SORD: variants seen among roughly 807,000 people sequenced by gnomAD.
SORD encodes sorbitol dehydrogenase.
SORD carries 18 observed loss-of-function variants against 35.6 expected under a neutral mutation model. The ratio of observed to expected loss-of-function variants is 0.51; its 90% CI spans 0.35 to 0.75. The LOEUF (loss-of-function observed/expected upper bound fraction) is 0.75. Ranked by LOEUF, SORD falls within the 30% of genes least tolerant of loss-of-function variation. The pLI is 0.01. For missense variants in SORD, 250 were observed against 390.2 expected, an observed-to-expected ratio of 0.64 and a Z score of 3.03; for synonymous variants, 106 against 152.9, an observed-to-expected ratio of 0.69 and a Z score of 2.26.
At chr15:45,030,259 T>C (rs1483732704) in intron 1 of SORD, among the ~76,000 whole-genome samples, 4 of 152,210 alleles carry the variant, frequency 2.6e-5, no homozygotes, top group Non-Finnish European at 4.4e-5. Context: ...ACAAATAGGA[T>C]TTTACCATTC....
chr15:45,027,978 C>T (rs72722061), intron 1 of SORD, among the ~76,000 whole-genome samples: 8,694 of 150,512 alleles, frequency 0.058, no homozygotes, highest in African/African-American at 0.14. Context: ...TTTTTCCAGT[C>T]GGCCATGGAC....
chr15:45,052,892 A>C (rs1893149802), intron 3 of SORD, among the ~76,000 whole-genome samples: 1 of 152,190 alleles, frequency 6.6e-6, no homozygotes, highest in Non-Finnish European at 1.5e-5. Flanking sequence ...GAATTATCCA[A>C]TGAGGAGAGG....
At chr15:45,026,427 A>G (rs1407717398) in intron 1 of SORD, among the ~76,000 whole-genome samples, 1 of 152,218 alleles carries the variant, frequency 6.6e-6, no homozygotes, top group Admixed American at 6.5e-5. Flanking sequence ...CAAAAAAGAT[A>G]AGAGGAAGTG....
At chr15:45,040,579 G>C in intron 2 of SORD, 138 bp downstream of exon 2, 1 of 700,034 alleles carries the variant, frequency 1.4e-6, no homozygotes. Context: ...GCTTTTGTTA[G>C]GCTGAGAACA....
chr15:45,061,759 C>CT (rs1325463326), intron 4 of SORD, among the ~76,000 whole-genome samples: 4 of 152,124 alleles, frequency 2.6e-5, no homozygotes, highest in Middle Eastern at 3.4e-3. Context: ...GTCCCAGCTA[C>CT]TTGGGAGGCT....
chr15:45,052,043 T>C (rs1201314563), intron 3 of SORD, among the ~76,000 whole-genome samples: 3 of 152,234 alleles, frequency 2.0e-5, no homozygotes, highest in Non-Finnish European at 2.9e-5. Flanking sequence ...CTAGGCAAAA[T>C]TTACATTTCC....
At chr15:45,042,932 C>T (rs559166803) in intron 2 of SORD, among the ~76,000 whole-genome samples, 3 of 151,796 alleles carry the variant, frequency 2.0e-5, no homozygotes, top group African/African-American at 4.9e-5. Context: ...TTGGATGAGG[C>T]TCACCCACAT....
At position 45,050,114 on chromosome 15, in the gene SORD, GC is replaced by G. The variant is rs1356301622; in HGVS notation, c.265+6694del. ...TTCTTTTTTTTTGAGACGGAGTCTC[GC>G]ACTCTCGCCCAGGCTGGAGTGCAGT... On this transcript the variant is annotated intron_variant, in intron 3 of 8. Coordinates refer to ENST00000267814, the MANE Select transcript of SORD (RefSeq NM_003104.6). Among the ~76,000 whole-genome samples the G allele has an allele frequency of 4.6e-5, 7 of 152,162 alleles. No homozygotes were observed. The East Asian group carries it at 1.4e-3, about 29-fold the overall frequency.
At chr15:45,070,132 G>T (rs985388651) in intron 7 of SORD, 9 of 152,174 alleles carry the variant, frequency 5.9e-5, no homozygotes, top group Non-Finnish European at 1.3e-4. Flanking sequence ...TTTGTTTGAG[G>T]CAAGCCAAGT....
At chr15:45,048,648 G>A (rs12907698) in intron 3 of SORD, among the ~76,000 whole-genome samples, 9,349 of 152,238 alleles carry the variant, frequency 0.061, 423 homozygotes, top group Non-Finnish European at 0.088. Context: ...GGTCAACATA[G>A]CAATCTCACT....
Sources: gnomAD v4.1 joint callset for allele counts (sites outside exome capture counted in the v4.1 genomes callset) on GRCh38, gnomAD v4.1.1 for gene constraint, MANE v1.5 for transcripts, NCBI Gene and HGNC (gene_info 2026-07-23, HGNC 2026-07-21) for gene names.